The following DAB2IP variants were observed in gnomAD, a reference collection of about 807,000 sequenced individuals.
DAB2IP encodes DAB2 interacting protein.
DAB2IP carries 28 observed loss-of-function variants against 107.2 expected under a neutral mutation model. The ratio of observed to expected loss-of-function variants is 0.26; its 90% CI spans 0.19 to 0.36. The LOEUF (loss-of-function observed/expected upper bound fraction) is 0.36, where lower values mean the gene tolerates loss of function less well. Among genes scored for constraint, DAB2IP ranks in the 10% least tolerant of loss-of-function variants. The pLI is 1.00. For missense variants in DAB2IP, 1,400 were observed against 1,644.7 expected (o/e 0.85, Z 2.57); for synonymous variants, 755 against 706.4 (o/e 1.07, Z -1.09).
At chr9:121,713,731 G>A (rs556932959) in intron 3 of DAB2IP, among the ~76,000 whole-genome samples, 4 of 152,278 alleles carry the variant, frequency 2.6e-5, no homozygotes, top group East Asian at 1.9e-4. Context: ...AGGCTGCACC[G>A]GGGCTGAGAT....
At chr9:121,687,607 C>T (rs1413867869) in intron 2 of DAB2IP, among the ~76,000 whole-genome samples, 1 of 152,204 alleles carries the variant, frequency 6.6e-6, no homozygotes, top group Non-Finnish European at 1.5e-5. Flanking sequence ...TCTACCACCT[C>T]TGCTGTCTGT....
intron 3 of DAB2IP, among the ~76,000 whole-genome samples, chr9:121,730,757 G>A (rs193218405): frequency 1.3e-5 from 2 of 152,318 alleles, no homozygotes; most frequent in Non-Finnish European, 2.9e-5. Flanking sequence ...GTGTGACTGG[G>A]AGCAAAGAAC....
In DAB2IP at chr9:121,714,703, G is replaced by A. The variant is rs142100064; in HGVS notation, c.362+15245G>A. Among the ~76,000 whole-genome samples, 1,169 of 152,352 alleles carry A rather than the reference G, an allele frequency of 7.7e-3. 8 individuals carry two copies. Among genetic ancestry groups the A allele is most frequent in the South Asian group, 0.017 (81 of 4,822 alleles). ...CAGCCCCAGCTCCTCCCCTAGTGGA[G>A]GACACAGGCTGAAGTGCAATTGTCC... On this transcript the variant is annotated intron_variant, in intron 3 of 15. Transcript: ENST00000408936.
Position 121,602,010 on chromosome 9 carries a change from C to G in DAB2IP, c.40+34782C>G, listed in dbSNP as rs1027954284. On this transcript the variant is annotated intron_variant, in intron 1 of 16. Coordinates refer to the DAB2IP transcript ENST00000259371. ...CAGATCCCTCATCTCTACTCCAGGC[C>G]TGGGATCTCCACTTTAAACCACCCG... Among the ~76,000 whole-genome samples the G allele has an allele frequency of 3.8e-4, 57 of 151,986 alleles. 2 individuals are homozygous for G. Among genetic ancestry groups the G allele is most frequent in the Admixed American group, 3.7e-3 (57 of 15,258 alleles).
chr9:121,704,366 G>GATAGGCAGA (rs1332837197), intron 3 of DAB2IP, among the ~76,000 whole-genome samples: 2 of 152,144 alleles, frequency 1.3e-5, no homozygotes, highest in African/African-American at 2.4e-5. Flanking sequence ...TTATCGTTTG[G>GATAGGCAGA]ATAGGCAGAA....
intron 3 of DAB2IP, 50 bp from the exon 4 acceptor site, chr9:121,756,963 G>A (rs780465891): frequency 6.2e-7 from 1 of 1,611,938 alleles, no homozygotes; most frequent in Admixed American, 1.7e-5. Flanking sequence ...ATGGCAACCA[G>A]CTTGACCCGG....
At chr9:121,781,635 A>G (rs746071759) in intron 15 of DAB2IP, 84 bp downstream of exon 15, 925 of 1,366,372 alleles carry the variant, frequency 6.8e-4, no homozygotes, top group Non-Finnish European at 9.3e-4. Context: ...ATCCTCAGTC[A>G]TACCTCACTG....
chr9:121,571,464 A>G (rs1260803396), intron 1 of DAB2IP, among the ~76,000 whole-genome samples: 1 of 152,134 alleles, frequency 6.6e-6, no homozygotes, highest in Non-Finnish European at 1.5e-5. Context: ...GCTTTGGAGC[A>G]TTCTCTGATA....
At chr9:121,773,914 A>G (rs1427731133) in intron 12 of DAB2IP, among the ~76,000 whole-genome samples, 1 of 152,144 alleles carries the variant, frequency 6.6e-6, no homozygotes, top group Non-Finnish European at 1.5e-5. Flanking sequence ...GGCTGCAGGC[A>G]GTGTCTGGAG....
At position 121,619,422 on chromosome 9, in the gene DAB2IP, C is replaced by T. The variant is rs531260830; in HGVS notation, c.40+52194C>T. 3.0e-4 allele frequency among the ~76,000 whole-genome samples: 45 copies of T among 152,352 alleles called. No homozygotes were observed. In the Middle Eastern group the frequency reaches 0.014, roughly 46 times the overall value. On this transcript the variant is annotated intron_variant, in intron 1 of 16. Coordinates refer to the DAB2IP transcript ENST00000259371. ...TCTGCCTCCCAAAGTGCTAGGATTA[C>T]AGGCGTGAGCCACTGAGCCTGGCCT...
intron 5 of DAB2IP, among the ~76,000 whole-genome samples, chr9:121,759,295 T>C (rs1295946840): frequency 6.6e-6 from 1 of 152,184 alleles, no homozygotes; most frequent in Non-Finnish European, 1.5e-5. Flanking sequence ...CCCCAGCCCC[T>C]GGCTGAGTTC....
chr9:121,726,728 A>G (rs1020852371), intron 3 of DAB2IP, among the ~76,000 whole-genome samples: 4 of 152,170 alleles, frequency 2.6e-5, no homozygotes, highest in Non-Finnish European at 5.9e-5. Flanking sequence ...TGTTGGAAGT[A>G]TTCTGCTTTG....
chr9:121,718,748 A>C (rs543395212), intron 3 of DAB2IP, among the ~76,000 whole-genome samples: 1 of 152,318 alleles, frequency 6.6e-6, no homozygotes, highest in Middle Eastern at 3.4e-3. Context: ...AGATGAGTTA[A>C]CCGGGATTGT....
At chr9:121,668,907 C>CTTTTTTTTTTT (rs377320590) in intron 1 of DAB2IP, among the ~76,000 whole-genome samples, 1 of 72,152 alleles carries the variant, frequency 1.4e-5, no homozygotes, top group Non-Finnish European at 2.4e-5. Flanking sequence ...GTAAGCCTTA[C>CTTTTTTTTTTT]TTTTTTTTTT....
intron 1 of DAB2IP, among the ~76,000 whole-genome samples, chr9:121,670,919 G>A (rs183873051): frequency 1.5e-3 from 223 of 152,296 alleles, no homozygotes; most frequent in Non-Finnish European, 2.5e-3. Flanking sequence ...TTGGGAGGCC[G>A]AGGCAGGAGG....
At chr9:121,589,835 C>T (rs1003217397) in intron 1 of DAB2IP, among the ~76,000 whole-genome samples, 12 of 152,082 alleles carry the variant, frequency 7.9e-5, no homozygotes, top group African/African-American at 2.4e-4. Context: ...CTCTGAAGGG[C>T]CATCCCAGCT....
Position 121,651,867 on chromosome 9 carries a change from G to T in DAB2IP, c.92G>T (p.Ser31Ile). Reference sequence around the variant, plus strand: ...CGGCCCCGGCTGCAGCGACAGAGGAGCCGCTCCCGCAGCCGGACCCGGCCT... The same window carrying T: ...CGGCCCCGGCTGCAGCGACAGAGGATCCGCTCCCGCAGCCGGACCCGGCCT... Residue 31 changes from serine to isoleucine, a missense_variant, in exon 1 of 16, where the codon AGC becomes ATC. By Grantham distance (142) the Ser-to-Ile change is moderately radical (BLOSUM62 -2). Around this residue, in one of 3 missense-constraint regions of DAB2IP, gnomAD observed 283 missense variants for 237.0 expected, o/e 1.19. Coordinates refer to ENST00000408936, the Ensembl canonical transcript of DAB2IP. The surrounding 1 kb of genome is among the most constrained non-coding windows in gnomAD (Gnocchi z 5.1). 6.9e-7 allele frequency: 1 copy of T among 1,447,570 alleles called. No homozygotes were observed. Among genetic ancestry groups the T allele is most frequent in the Non-Finnish European group, 9.1e-7 (1 of 1,095,136 alleles). The allele number at this position is 1,447,570 out of a possible 1,614,324, so 89.7% of individuals were successfully genotyped here.
chr9:121,745,568 C>T (rs1832663375), intron 3 of DAB2IP, among the ~76,000 whole-genome samples: 1 of 146,934 alleles, frequency 6.8e-6, no homozygotes, highest in Non-Finnish European at 1.5e-5. Flanking sequence ...CCACATGCTC[C>T]TGCAGACATA....
rs1835665037 is a variant in DAB2IP at position 121,781,664 on chromosome 9, A to G, written c.3402+113A>G. The G allele has an allele frequency of 2.9e-5, 31 of 1,073,742 alleles. No homozygotes were observed. In the South Asian group the frequency reaches 4.3e-4, roughly 15 times the overall value. 66.5% of individuals were successfully genotyped at this position (1,073,742 alleles called of 1,614,324 possible). A position where few individuals can be genotyped will look rare whatever the true frequency, so the allele number is the denominator to read the frequency against. On this transcript the variant is annotated intron_variant, in intron 15 of 15. Transcript: ENST00000408936. ...CTCACTGCAGACACTGAGGGGAATA[A>G]GAAACCAGAATCTGCCCTGAGAAGT...
Sources: gnomAD v4.1 joint callset for allele counts (sites outside exome capture counted in the v4.1 genomes callset) on GRCh38, gnomAD v4.1.1 for gene constraint, gnomAD v4.1.1 regional missense constraint, Gnocchi (gnomAD v3.1) non-coding constraint, MANE v1.5 for transcripts, NCBI Gene and HGNC (gene_info 2026-07-23, HGNC 2026-07-21) for gene names.